The following NRK variants were observed in gnomAD, a reference collection of about 807,000 sequenced individuals.
NRK encodes the protein nik-related protein kinase.
NRK carries 67 observed loss-of-function variants against 125.2 expected under a neutral mutation model. The observed-to-expected ratio is 0.54, with a 90% confidence interval of 0.44 to 0.66. The LOEUF is 0.66. Ranked by LOEUF, NRK falls within the 30% of genes least tolerant of loss-of-function variation. The pLI is 0.00. For synonymous variants in NRK, 458 were observed against 429.0 expected (o/e 1.07, Z -0.84); for missense variants, 1,224 against 1,192.9 (o/e 1.03, Z -0.38).
At chrX:105,841,789 G>A (rs921694385) in intron 2 of NRK, among the ~76,000 whole-genome samples, 2 of 111,376 alleles carry the variant, frequency 1.8e-5, no homozygotes, top group African/African-American at 6.5e-5. Flanking sequence ...AAAAGATGGA[G>A]ATTTAAATAT....
At chrX:105,948,463 G>A (rs2040847403) in intron 26 of NRK, 1 of 321,717 alleles carries the variant, frequency 3.1e-6, no homozygotes, top group Admixed American at 5.9e-5. Flanking sequence ...ATGATACAAG[G>A]GAACCATGTG....
Position 105,822,789 on chromosome X carries a change from C to T in NRK, c.-57C>T. ...CCTTCAACTCTTCATCCGCTTCCAC[C>T]TCAGACTCTGCGCGCACCCAATTCA... On this transcript the variant is annotated 5_prime_UTR_variant, in exon 1 of 29. Transcript: ENST00000243300. 9.3e-7 allele frequency: 1 copy of T among 1,076,734 alleles called. No individual in the cohort carries two copies. Among genetic ancestry groups the T allele is most frequent in the Non-Finnish European group, 1.3e-6 (1 of 789,111 alleles). 88.7% of individuals were successfully genotyped at this position (1,076,734 alleles called of 1,213,427 possible). A position where few individuals can be genotyped will look rare whatever the true frequency, so the allele number is the denominator to read the frequency against.
rs868391777 is a variant in NRK, at chrX:105,923,496, A to C, written c.2975+14A>C. 8.3e-6 allele frequency: 9 copies of C among 1,088,339 alleles called. No individual in the cohort carries two copies. The highest frequency in any genetic ancestry group is 9.7e-6 in the Non-Finnish European group (8 of 822,204). 89.7% of individuals were successfully genotyped at this position (1,088,339 alleles called of 1,213,427 possible). On this transcript the variant is annotated intron_variant, in intron 18 of 28. Coordinates refer to ENST00000243300, the MANE Select transcript of NRK (RefSeq NM_198465.4). ...TAGTTGTCCAAGGTTGGTTTTTTTG[A>C]ATTACTTATACTCTCCATGTTTTAT... is the stretch of plus-strand genomic sequence containing the variant.
chrX:105,900,091 AG>A (rs1265954840), intron 8 of NRK, among the ~76,000 whole-genome samples: 1 of 109,066 alleles, frequency 9.2e-6, no homozygotes, highest in African/African-American at 3.3e-5. Flanking sequence ...TTGGTAGTGA[AG>A]AGAATTTTCT....
rs1379994752 is a variant in NRK, at chrX:105,958,321, C to T, written c.*2721C>T. 2 of 111,981 alleles carry T rather than the reference C, an allele frequency of 1.8e-5. No homozygotes were observed. Among genetic ancestry groups the T allele is most frequent in the African/African-American group, 6.5e-5 (2 of 30,813 alleles). 9.2% of individuals were successfully genotyped at this position (111,981 alleles called of 1,213,427 possible). Reference sequence around the variant, plus strand: ...GTGCACACACACATACACATGTAAACATTGGAATGCATAAGTTTTAATATT... The same window carrying T: ...GTGCACACACACATACACATGTAAATATTGGAATGCATAAGTTTTAATATT... On this transcript the variant is annotated 3_prime_UTR_variant, in exon 29 of 29. Coordinates refer to ENST00000243300, the MANE Select transcript of NRK (RefSeq NM_198465.4).
Position 105,898,619 on chromosome X carries a change from A to G in NRK, c.616A>G (p.Asn206Asp). Residue 206 changes from asparagine (N) to aspartate (D), a missense_variant, in exon 8 of 29, where the codon AAT becomes GAT. Physicochemically the swap from Asn to Asp is conservative, Grantham distance 23. Coordinates refer to ENST00000243300, the MANE Select transcript of NRK (RefSeq NM_198465.4). ...FGVSAQVSRTNGRRNSFIGTP... is the reference protein window; with the variant it reads ...FGVSAQVSRTDGRRNSFIGTP... Reference sequence around the variant, plus strand: ...AGTGAGTGCCCAGGTGAGCAGAACTAATGGAAGAAGGAATAGTTTCATTGG... The same window carrying G: ...AGTGAGTGCCCAGGTGAGCAGAACTGATGGAAGAAGGAATAGTTTCATTGG... The G allele has an allele frequency of 2.5e-6, 3 of 1,201,058 alleles. No homozygotes were observed. The highest frequency in any genetic ancestry group is 3.4e-6 in the Non-Finnish European group (3 of 888,319).
At chrX:105,952,964 G>T in intron 27 of NRK, 70 bp from the exon 28 acceptor site, 1 of 873,599 alleles carries the variant, frequency 1.1e-6, no homozygotes, top group Non-Finnish European at 1.5e-6. Context: ...AACATTGACT[G>T]TAGTTATAAT....
intron 22 of NRK, among the ~76,000 whole-genome samples, chrX:105,938,857 C>T (rs1272019235): frequency 9.0e-6 from 1 of 111,560 alleles, no homozygotes; most frequent in Non-Finnish European, 1.9e-5. Flanking sequence ...GCTGGGGAGG[C>T]TTCAAGAAAC....
At chrX:105,951,947 T>G (rs981507782) in intron 27 of NRK, among the ~76,000 whole-genome samples, 4 of 112,933 alleles carry the variant, frequency 3.5e-5, no homozygotes, top group African/African-American at 1.3e-4. Flanking sequence ...AATTCAACTC[T>G]AGATAGACTA....
At chrX:105,863,053 A>G (rs1474746211) in intron 2 of NRK, among the ~76,000 whole-genome samples, 2 of 111,801 alleles carry the variant, frequency 1.8e-5, no homozygotes, top group Non-Finnish European at 3.8e-5. Flanking sequence ...TGGACAAGGA[A>G]TAATACTTAA....
Position 105,934,312 on chromosome X carries a change from T to C in NRK, c.3367T>C (p.Ser1123Pro). The part of the protein sequence containing the change: ...SNAIDSGAAP[S>P]APDHESDNKD... ...TGCCATTGACTCAGGTGCTGCACCG[T>C]CAGCACCTGATCATGAGAGTGACAA... Residue 1123 changes from serine (S) to proline (P), a missense_variant, in exon 20 of 29, where the codon TCA becomes CCA. Physicochemically the swap from Ser to Pro is moderately conservative, Grantham distance 74. Coordinates refer to ENST00000243300, the MANE Select transcript of NRK (RefSeq NM_198465.4). The C allele has an allele frequency of 8.4e-7, 1 of 1,189,015 alleles. No homozygotes were observed. The highest frequency in any genetic ancestry group is 1.1e-6 in the Non-Finnish European group (1 of 877,182).
At chrX:105,895,168 TG>T (rs2040064570) in intron 6 of NRK, 2 of 497,747 alleles carry the variant, frequency 4.0e-6, no homozygotes, top group Admixed American at 5.9e-5. Context: ...AGTGGCCCAA[TG>T]TATACAAACA....
At chrX:105,942,242 TACAA>T (rs2040752767) in intron 23 of NRK, among the ~76,000 whole-genome samples, 3 of 112,160 alleles carry the variant, frequency 2.7e-5, no homozygotes, top group Admixed American at 1.9e-4. Context: ...ATAATGCTAC[TACAA>T]ACATTTCATA....
At chrX:105,934,547 A>G (rs780083677) in intron 20 of NRK, 103 bp downstream of exon 20, 2 of 482,678 alleles carry the variant, frequency 4.1e-6, no homozygotes, top group Non-Finnish European at 6.9e-6. Context: ...TTATTCTCAC[A>G]TTCACTTGAA....
Position 105,899,957 on chromosome X carries a change from G to A in NRK, c.712-661G>A, listed in dbSNP as rs185982511. Reference sequence around the variant, plus strand: ...CACTCCAGCCTGGGCGACAGAGTGAGACTCTGTCTCAAGGAAGAAAAAAAA... The same window carrying A: ...CACTCCAGCCTGGGCGACAGAGTGAAACTCTGTCTCAAGGAAGAAAAAAAA... On this transcript the variant is annotated intron_variant, in intron 8 of 28. Coordinates refer to ENST00000243300, the MANE Select transcript of NRK (RefSeq NM_198465.4). 4.3e-3 allele frequency among the ~76,000 whole-genome samples: 473 copies of A among 110,007 alleles called. 1 individual carries two copies. Among genetic ancestry groups the A allele is most frequent in the African/African-American group, 0.015 (443 of 30,201 alleles).
At position 105,822,548 on chromosome X, in the gene NRK, G is replaced by A. The variant is rs757846854; in HGVS notation, c.-298G>A. 5.3e-4 allele frequency: 181 copies of A among 338,802 alleles called. No individual in the cohort carries two copies. Among genetic ancestry groups the A allele is most frequent in the African/African-American group, 3.8e-3 (142 of 36,889 alleles). The allele number at this position is 338,802 out of a possible 1,213,427, so 27.9% of individuals were successfully genotyped here. Reference sequence around the variant, plus strand: ...CGCACCCTGACGGGGCAGACACAGCGCTCTCGACACGGAGCACCCTTCTAG... The same window carrying A: ...CGCACCCTGACGGGGCAGACACAGCACTCTCGACACGGAGCACCCTTCTAG... On this transcript the variant is annotated 5_prime_UTR_variant, in exon 1 of 29. Coordinates refer to ENST00000243300, the MANE Select transcript of NRK (RefSeq NM_198465.4).
intron 13 of NRK, among the ~76,000 whole-genome samples, chrX:105,911,845 TATTGTC>T (rs1384295390): frequency 8.9e-6 from 1 of 111,879 alleles, no homozygotes; most frequent in Non-Finnish European, 1.9e-5. Flanking sequence ...GGCACACACT[TATTGTC>T]ATTTATTGTT....
chrX:105,914,185 T>C (rs1181748555), intron 14 of NRK, among the ~76,000 whole-genome samples: 1 of 110,846 alleles, frequency 9.0e-6, no homozygotes, highest in African/African-American at 3.3e-5. Context: ...CTATGAAGTC[T>C]TTTATGGACA....
rs1297638611 is a variant in NRK, at chrX:105,826,249, TG to T, written c.57+3348del. ...AATATATTATCATATATAATATATA[TG>T]ATAATATATATTTCATATATAATAT... On this transcript the variant is annotated intron_variant, in intron 1 of 28. Coordinates refer to ENST00000243300, the MANE Select transcript of NRK (RefSeq NM_198465.4). Among the ~76,000 whole-genome samples, 4 of 84,459 alleles carry T rather than the reference TG, an allele frequency of 4.7e-5. No individual in the cohort carries two copies. In the East Asian group the frequency reaches 1.0e-3, roughly 21 times the overall value. The allele number at this position is 84,459 out of a possible 115,157, so 73.3% of individuals were successfully genotyped here.
Sources: gnomAD v4.1 joint callset for allele counts (sites outside exome capture counted in the v4.1 genomes callset) on GRCh38, gnomAD v4.1.1 for gene constraint, MANE v1.5 for transcripts, NCBI Gene and HGNC (gene_info 2026-07-23, HGNC 2026-07-21) for gene names.